Variants in DMXL1 observed in about 807,000 individuals in gnomAD.
DMXL1 encodes the protein dmX-like protein 1.
Under a neutral mutation model 319.2 loss-of-function variants are expected in DMXL1, and 99 were observed. The observed-to-expected ratio is 0.31, with a 90% CI of 0.26 to 0.37. The LOEUF (loss-of-function observed/expected upper bound fraction) is 0.37, where lower values mean the gene tolerates loss of function less well. Ranked by LOEUF, DMXL1 falls within the 10% of genes least tolerant of loss-of-function variation. The pLI, the probability that DMXL1 is intolerant of heterozygous loss-of-function variation, is 1.00. For missense variants in DMXL1, 3,745 were observed against 3,595.6 expected (o/e 1.04, Z -1.06); for synonymous variants, 1,385 against 1,235.2 (o/e 1.12, Z -2.54).
rs185234869 is a variant in DMXL1 at position 119,156,441 on chromosome 5, C to T, written c.4702+4405C>T. Among the ~76,000 whole-genome samples the T allele has an allele frequency of 3.5e-3, 529 of 152,190 alleles. 5 individuals are homozygous for T. The highest frequency in any genetic ancestry group is 0.012 in the African/African-American group (496 of 41,518). On this transcript the variant is annotated intron_variant, in intron 19 of 43. Coordinates refer to ENST00000539542, the MANE Select transcript of DMXL1 (RefSeq NM_001290321.3). ...TTTATTGTGGTGGTCTGAAATCGAACCCATGGTATCTCCAAGGTCTGCCTA... is the reference window on the plus strand; with the variant it reads ...TTTATTGTGGTGGTCTGAAATCGAATCCATGGTATCTCCAAGGTCTGCCTA...
chr5:119,205,554 A>G (rs930658692), intron 33 of DMXL1, among the ~76,000 whole-genome samples: 2 of 152,070 alleles, frequency 1.3e-5, no homozygotes, highest in Non-Finnish European at 2.9e-5. Flanking sequence ...CACAATGACT[A>G]TAATAGCCCT....
intron 1 of DMXL1, among the ~76,000 whole-genome samples, chr5:119,095,924 ATT>A (rs1445078282): frequency 6.6e-6 from 1 of 152,078 alleles, no homozygotes; most frequent in African/African-American, 2.4e-5. Context: ...TTTAGGTAAA[ATT>A]CCAGGCAAGC....
intron 6 of DMXL1, among the ~76,000 whole-genome samples, chr5:119,115,096 C>G (rs975515946): frequency 2.6e-5 from 4 of 152,148 alleles, no homozygotes; most frequent in African/African-American, 7.2e-5. Flanking sequence ...GCTTTATCAC[C>G]TTGGGCAAGT....
At chr5:119,123,047 G>C (rs558180618) in intron 9 of DMXL1, among the ~76,000 whole-genome samples, 1 of 152,172 alleles carries the variant, frequency 6.6e-6, no homozygotes, top group African/African-American at 2.4e-5. Flanking sequence ...TCCATCTGCA[G>C]TCCCGGCACC....
intron 18 of DMXL1, among the ~76,000 whole-genome samples, chr5:119,151,116 TAAC>T (rs772726940): frequency 7.2e-5 from 11 of 152,158 alleles, no homozygotes; most frequent in Non-Finnish European, 1.2e-4. Context: ...AATCCACTAT[TAAC>T]AATTATAATT....
At chr5:119,166,803 A>G (rs1359575556) in intron 22 of DMXL1, 22 bp downstream of exon 22, 8 of 1,586,996 alleles carry the variant, frequency 5.0e-6, no homozygotes, top group Non-Finnish European at 6.9e-6. Flanking sequence ...AATTTAAATA[A>G]CAAAGTATAG....
At chr5:119,240,345 C>T (rs1462867724) in intron 41 of DMXL1, 74 bp from the exon 42 acceptor site, 7 of 1,047,760 alleles carry the variant, frequency 6.7e-6, no homozygotes, top group Non-Finnish European at 9.9e-6. Context: ...TTAAAGGTCA[C>T]ACAGTTATAT....
intron 2 of DMXL1, 108 bp downstream of exon 2, chr5:119,098,212 AAG>A: frequency 7.6e-7 from 1 of 1,319,390 alleles, no homozygotes; most frequent in Non-Finnish European, 1.0e-6. Flanking sequence ...CTTTGTTTCA[AAG>A]ATAGTGTAGC....
intron 23 of DMXL1, among the ~76,000 whole-genome samples, chr5:119,168,885 C>G (rs947685602): frequency 6.6e-6 from 1 of 151,382 alleles, no homozygotes; most frequent in African/African-American, 2.4e-5. Flanking sequence ...TTCCTTTTGT[C>G]TTGTCTTTTC....
chr5:119,235,807 C>T (rs1404272190), intron 39 of DMXL1, among the ~76,000 whole-genome samples: 1 of 152,086 alleles, frequency 6.6e-6, no homozygotes, highest in Non-Finnish European at 1.5e-5. Flanking sequence ...CCACAGAATT[C>T]TGATGGACAA....
chr5:119,104,728 A>G (rs1580721722), intron 3 of DMXL1, among the ~76,000 whole-genome samples: 1 of 152,226 alleles, frequency 6.6e-6, no homozygotes, highest in Non-Finnish European at 1.5e-5. Context: ...TTTCGCTTTA[A>G]GAAGTTGTAA....
intron 10 of DMXL1, among the ~76,000 whole-genome samples, chr5:119,132,254 A>G (rs1231482457): frequency 6.6e-6 from 1 of 152,238 alleles, no homozygotes; most frequent in Non-Finnish European, 1.5e-5. Flanking sequence ...CTTTATTATT[A>G]TAAGGTGGCG....
intron 34 of DMXL1, among the ~76,000 whole-genome samples, chr5:119,208,708 A>G (rs1379970553): frequency 1.3e-5 from 2 of 152,180 alleles, no homozygotes; most frequent in African/African-American, 2.4e-5. Flanking sequence ...AATCTTTGTA[A>G]GGTATGCCTG....
chr5:119,146,272 A>C (rs534855255), intron 15 of DMXL1, among the ~76,000 whole-genome samples: 30 of 152,048 alleles, frequency 2.0e-4, no homozygotes, highest in African/African-American at 7.0e-4. Context: ...TATTGTTAAA[A>C]AGGTTTTTCA....
In DMXL1 at chr5:119,110,137, A is replaced by G. The variant is rs376336568; in HGVS notation, c.365-14A>G. 2.5e-5 allele frequency: 39 copies of G among 1,583,500 alleles called. No homozygotes were observed. The Admixed American group carries it at 3.3e-4, about 14-fold the overall frequency. Reference sequence around the variant, plus strand: ...AATACCTAAATAATAAATGAGGAATAATATTTTTTTTAGGCAGTCGTCTTT... The same window carrying G: ...AATACCTAAATAATAAATGAGGAATGATATTTTTTTTAGGCAGTCGTCTTT... On this transcript the variant is annotated splice_polypyrimidine_tract_variant and intron_variant, in intron 4 of 43. Transcript: ENST00000539542.
At position 119,118,878 on chromosome 5, in the gene DMXL1, G is replaced by A; in HGVS notation, c.807G>A (p.Glu269=). 1 of 1,613,946 alleles carries A rather than the reference G, an allele frequency of 6.2e-7. No individual in the cohort carries two copies. Among genetic ancestry groups the A allele is most frequent in the Non-Finnish European group, 8.5e-7 (1 of 1,179,904 alleles). The change falls in exon 8 of 44, where the codon GAG becomes GAA. Residue 269 remains glutamate, a synonymous_variant. Transcript: ENST00000539542. ...ATAATGTGTGTCGTCTTTGGGTAGAGACATTTTTACCAAATGATTGTTTGC... is the reference window on the plus strand; with the variant it reads ...ATAATGTGTGTCGTCTTTGGGTAGAAACATTTTTACCAAATGATTGTTTGC... ...CKDNVCRLWV[E]TFLPNDCLLY... is the part of the protein sequence containing the mutation.
At chr5:119,095,562 A>G (rs575320661) in intron 1 of DMXL1, among the ~76,000 whole-genome samples, 6 of 152,342 alleles carry the variant, frequency 3.9e-5, no homozygotes, top group Admixed American at 2.6e-4. Flanking sequence ...TTGTGAAGAC[A>G]TGAGTTTTTT....
chr5:119,133,784 T>G lies in DMXL1; in HGVS notation c.1860T>G (p.Ala620=), dbSNP rs558370698. The G allele has an allele frequency of 8.1e-6, 13 of 1,614,214 alleles. No homozygotes were observed. In the African/African-American group the frequency reaches 1.5e-4, roughly 18 times the overall value. ...QWLVSFAEES[A]FSTVLSISHK... ...TGGTCAGTTTTGCCGAGGAATCTGC[T>G]TTTTCTACTGTTCTCAGTATTTCCC... is the stretch of plus-strand genomic sequence containing the variant. The change falls in exon 12 of 44, where the codon GCT becomes GCG. Residue 620 remains alanine (A), a synonymous_variant. Transcript: ENST00000539542.
At chr5:119,121,380 C>A (rs992311452) in intron 9 of DMXL1, among the ~76,000 whole-genome samples, 9 of 151,600 alleles carry the variant, frequency 5.9e-5, no homozygotes, top group South Asian at 2.1e-4. Context: ...GTCAGCAGAT[C>A]AACAAGTGAA....
Sources: allele counts gnomAD v4.1 joint callset (sites outside exome capture counted in the v4.1 genomes callset), GRCh38; gene constraint gnomAD v4.1.1; transcripts MANE v1.5; gene names NCBI Gene and HGNC (gene_info 2026-07-23, HGNC 2026-07-21).